Variants in FGF14 observed in about 807,000 individuals in gnomAD.
The protein encoded by FGF14 is fibroblast growth factor homologous factor 4.
Under a neutral mutation model 25.5 loss-of-function variants are expected in FGF14, and 5 were observed. The ratio of observed to expected loss-of-function variants is 0.20; its 90% CI spans 0.10 to 0.41. FGF14 has a LOEUF of 0.41. Among genes scored for constraint, FGF14 ranks in the 10% least tolerant of loss-of-function variants. FGF14 has a pLI of 1.00. For synonymous variants in FGF14, 138 were observed against 118.3 expected, an observed-to-expected ratio of 1.17 and a Z score of -1.08; for missense variants, 222 against 320.1, an observed-to-expected ratio of 0.69 and a Z score of 2.34.
At chr13:101,803,080 C>T (rs967890503) in intron 3 of FGF14, among the ~76,000 whole-genome samples, 4 of 150,398 alleles carry the variant, frequency 2.7e-5, no homozygotes, top group South Asian at 2.1e-4. Context: ...GGTCAGCTGG[C>T]GTGAAAATTG....
chr13:102,329,309 T>G, intron 1 of FGF14, among the ~76,000 whole-genome samples: 1 of 152,200 alleles, frequency 6.6e-6, no homozygotes, highest in Non-Finnish European at 1.5e-5. Context: ...ATTAGCCCTG[T>G]GAGTGAAGGC....
At chr13:102,378,617 ATCTATC>A (rs1252616781) in intron 1 of FGF14, among the ~76,000 whole-genome samples, 14 of 132,594 alleles carry the variant, frequency 1.1e-4, no homozygotes, top group African/African-American at 3.9e-4. Flanking sequence ...CTATCTATCT[ATCTATC>A]TATCTATCTA....
rs1452390803 is a variant in FGF14, at chr13:102,166,264, CTTTAT to C, written c.208+235202_208+235206del. On this transcript the variant is annotated intron_variant, in intron 1 of 4. Coordinates refer to the FGF14 transcript ENST00000376131. The stretch of plus-strand genomic sequence containing the variant: ...TTTGTATTTGCAAATTTGCCATTCA[CTTTAT>C]TTTATTTTATATTTAGTTTTATTAC... 1.5e-4 allele frequency among the ~76,000 whole-genome samples: 22 copies of C among 151,504 alleles called. No individual in the cohort carries two copies. The East Asian group carries it at 1.6e-3, about 11-fold the overall frequency.
chr13:102,007,060 G>C (rs2039845387), intron 1 of FGF14, among the ~76,000 whole-genome samples: 1 of 152,080 alleles, frequency 6.6e-6, no homozygotes, highest in South Asian at 2.1e-4. Flanking sequence ...TTACTTCTTA[G>C]AGTGTGGTCA....
chr13:101,890,765 T>A (rs114351821), intron 1 of FGF14, among the ~76,000 whole-genome samples: 2,817 of 152,254 alleles, frequency 0.019, 103 homozygotes, highest in African/African-American at 0.065. Flanking sequence ...CAGAGCCACG[T>A]GTACTTCTGC....
intron 1 of FGF14, among the ~76,000 whole-genome samples, chr13:101,907,850 G>A (rs2032433024): frequency 6.6e-6 from 1 of 152,090 alleles, no homozygotes; most frequent in Non-Finnish European, 1.5e-5. Flanking sequence ...ATTTCCCTGA[G>A]TAGGAGAGAT....
intron 1 of FGF14, among the ~76,000 whole-genome samples, chr13:101,889,408 T>G (rs2046156504): frequency 6.6e-6 from 1 of 152,184 alleles, no homozygotes; most frequent in Non-Finnish European, 1.5e-5. Context: ...AATTTGATAT[T>G]CACTTTCTGT....
intron 3 of FGF14, among the ~76,000 whole-genome samples, chr13:101,772,693 A>C (rs1336231450): frequency 1.3e-5 from 2 of 152,150 alleles, no homozygotes; most frequent in Admixed American, 1.3e-4. Flanking sequence ...AGCAATGTTA[A>C]GAAAGAAGAT....
At chr13:101,979,191 TCACAAG>T (rs1051577865) in intron 1 of FGF14, among the ~76,000 whole-genome samples, 13 of 152,316 alleles carry the variant, frequency 8.5e-5, no homozygotes, top group African/African-American at 2.9e-4. Context: ...GGTTCCATTT[TCACAAG>T]CATAAAAATG....
chr13:102,394,384 G>A (rs1037216383), intron 1 of FGF14: 1 of 152,716 alleles, frequency 6.5e-6, no homozygotes, highest in Non-Finnish European at 1.5e-5. Context: ...GGGCGGCAGA[G>A]CCGGCCGCTC....
At chr13:102,025,729 C>A (rs1450962211) in intron 1 of FGF14, among the ~76,000 whole-genome samples, 1 of 151,926 alleles carries the variant, frequency 6.6e-6, no homozygotes, top group Non-Finnish European at 1.5e-5. Context: ...TTCTTTTGTT[C>A]AATTTATTTT....
At chr13:101,964,854 C>T (rs973983858) in intron 1 of FGF14, among the ~76,000 whole-genome samples, 1 of 152,102 alleles carries the variant, frequency 6.6e-6, no homozygotes, top group Non-Finnish European at 1.5e-5. Context: ...TAGAGAAACT[C>T]CCAATAGCTA....
rs576022916 is a variant in FGF14, at chr13:102,352,568, G to T, written c.208+48903C>A. Among the ~76,000 whole-genome samples, 15 of 152,130 alleles carry T rather than the reference G, an allele frequency of 9.9e-5. No homozygotes were observed. The South Asian group carries it at 2.3e-3, about 23-fold the overall frequency. On this transcript the variant is annotated intron_variant, in intron 1 of 4. Coordinates refer to the FGF14 transcript ENST00000376131. The stretch of plus-strand genomic sequence containing the variant: ...TGGCTCACGCCTGTAATCCCAGCAC[G>T]TTGGGAGGCCGAGGCGGGCGGATCA...
intron 1 of FGF14, among the ~76,000 whole-genome samples, chr13:102,385,020 T>C (rs190458486): frequency 1.3e-5 from 2 of 152,332 alleles, no homozygotes; most frequent in East Asian, 3.9e-4. Context: ...GTAAAAGTAT[T>C]GGCAACTATT....
At chr13:102,210,973 G>C (rs999139725) in intron 1 of FGF14, among the ~76,000 whole-genome samples, 2 of 152,024 alleles carry the variant, frequency 1.3e-5, no homozygotes, top group Non-Finnish European at 2.9e-5. Context: ...ACAACCTCTT[G>C]GGACGAAAGA....
rs142059552 is a variant in FGF14 at position 102,228,116 on chromosome 13, T to A, written c.208+173355A>T. Among the ~76,000 whole-genome samples, 658 of 152,342 alleles carry A rather than the reference T, an allele frequency of 4.3e-3. 5 individuals carry two copies. Among genetic ancestry groups the A allele is most frequent in the African/African-American group, 0.014 (602 of 41,580 alleles). ...ATGGCAAAACGGAAACATGCTCTTTTGATTTCTTCCTCATGGCAGTTTTCC... is the reference window on the plus strand; with the variant it reads ...ATGGCAAAACGGAAACATGCTCTTTAGATTTCTTCCTCATGGCAGTTTTCC... On this transcript the variant is annotated intron_variant, in intron 1 of 4. Coordinates refer to the FGF14 transcript ENST00000376131.
intron 1 of FGF14, among the ~76,000 whole-genome samples, chr13:102,059,916 CAAACA>C (rs71662524): frequency 0.034 from 5,167 of 150,502 alleles, 271 homozygotes; most frequent in African/African-American, 0.12. Flanking sequence ...AACAAACAAA[CAAACA>C]AAACAAAAGA....
chr13:101,733,443 A>G (rs2035944685), intron 3 of FGF14, among the ~76,000 whole-genome samples: 2 of 152,028 alleles, frequency 1.3e-5, no homozygotes, highest in Non-Finnish European at 2.9e-5. Flanking sequence ...AAAAATACCA[A>G]AATTAGCTGG....
intron 1 of FGF14, among the ~76,000 whole-genome samples, chr13:101,952,088 G>T (rs1193130741): frequency 6.6e-6 from 1 of 152,034 alleles, no homozygotes; most frequent in African/African-American, 2.4e-5. Context: ...TTAAATGCTG[G>T]AAGATATTTT....
Sources: gnomAD v4.1 joint callset for allele counts (sites outside exome capture counted in the v4.1 genomes callset) on GRCh38, gnomAD v4.1.1 for gene constraint, MANE v1.5 for transcripts, NCBI Gene and HGNC (gene_info 2026-07-23, HGNC 2026-07-21) for gene names.